Variants in SMAP2 observed in about 807,000 individuals in gnomAD.
SMAP2 encodes stromal membrane-associated protein 2.
In SMAP2, 25 loss-of-function variants were observed where a neutral mutation model predicts 56.4. The observed-to-expected ratio is 0.44, with a 90% CI of 0.32 to 0.62. The LOEUF is 0.62. Ranked by LOEUF, SMAP2 falls within the 20% of genes least tolerant of loss-of-function variation. The pLI, the probability that SMAP2 is intolerant of heterozygous loss-of-function variation, is 0.04. For synonymous variants in SMAP2, 157 were observed against 181.7 expected, an observed-to-expected ratio of 0.86 and a Z score of 1.09; for missense variants, 388 against 545.6, an observed-to-expected ratio of 0.71 and a Z score of 2.88.
Position 40,374,095 on chromosome 1 carries a change from C to T in SMAP2, c.-26C>T. On this transcript the variant is annotated 5_prime_UTR_variant, in exon 1 of 10. Transcript: ENST00000372718. The surrounding 1 kb of genome is among the most constrained non-coding windows in gnomAD (Gnocchi z 5.9). ...TCTGGGGGCGAGGAGGGCGCGTCGC[C>T]CTCTGCCCCCGCCGGCACCCTGGCC... 5 of 1,586,366 alleles carry T rather than the reference C, an allele frequency of 3.2e-6. No individual in the cohort carries two copies. In the South Asian group the frequency reaches 4.5e-5, roughly 14 times the overall value.
intron 1 of SMAP2, among the ~76,000 whole-genome samples, chr1:40,350,847 T>G (rs1009631673): frequency 6.6e-6 from 1 of 152,242 alleles, no homozygotes; most frequent in African/African-American, 2.4e-5. Context: ...ATAAGCATTT[T>G]AAAATTATGT....
intron 6 of SMAP2, 131 bp from the exon 7 acceptor site, chr1:40,415,141 C>A: frequency 1.4e-6 from 1 of 710,872 alleles, no homozygotes. Context: ...CCCGTCCATG[C>A]TAGATGGTTC....
chr1:40,356,710 C>G lies in SMAP2; in HGVS notation c.-82-5590C>G, dbSNP rs193066729. On this transcript the variant is annotated intron_variant, in intron 1 of 6. Transcript: ENST00000435168. ...CAGGCGTGAGCCACCGTGCTGGACC[C>G]CTATTTTTAGTTTTTTGAGGAACCT... Among the ~76,000 whole-genome samples, 284 of 152,048 alleles carry G rather than the reference C, an allele frequency of 1.9e-3. 6 individuals carry two copies. The highest frequency in any genetic ancestry group is 0.014 in the Admixed American group (219 of 15,258).
rs912599824 is a variant in SMAP2, at chr1:40,385,890, A to G, written c.103+11667A>G. 6.6e-6 allele frequency among the ~76,000 whole-genome samples: 1 copy of G among 152,218 alleles called. No homozygotes were observed. The highest frequency in any genetic ancestry group is 2.4e-5 in the African/African-American group (1 of 41,464). On this transcript the variant is annotated intron_variant, in intron 1 of 9. Coordinates refer to ENST00000372718, the MANE Select transcript of SMAP2 (RefSeq NM_022733.3). The surrounding 1 kb of genome is among the most constrained non-coding windows in gnomAD (Gnocchi z 4.5). ...AGTCCCCAAATGTGTGGATTTAGAAATGAGTTCTCTAGTGTTTCTAGTTTT... is the reference window on the plus strand; with the variant it reads ...AGTCCCCAAATGTGTGGATTTAGAAGTGAGTTCTCTAGTGTTTCTAGTTTT...
chr1:40,416,136 A>G (rs1273981404), intron 7 of SMAP2, 40 bp from the exon 8 acceptor site: 2 of 1,591,302 alleles, frequency 1.3e-6, no homozygotes, highest in African/African-American at 1.3e-5. Flanking sequence ...GACCCCCATG[A>G]GAACCATTTC....
intron 1 of SMAP2, among the ~76,000 whole-genome samples, chr1:40,379,523 T>C (rs887802291): frequency 2.0e-5 from 3 of 151,812 alleles, no homozygotes; most frequent in Non-Finnish European, 4.4e-5. Flanking sequence ...AGAAAGCTAT[T>C]CTTAAATGAT....
chr1:40,387,939 A>G (rs1209535175), intron 1 of SMAP2, among the ~76,000 whole-genome samples: 1 of 151,834 alleles, frequency 6.6e-6, no homozygotes, highest in African/African-American at 2.4e-5. Context: ...CGGGCCCCGC[A>G]CTTGGAGCAG....
intron 5 of SMAP2, chr1:40,413,949 T>G: frequency 1.9e-6 from 1 of 522,354 alleles, no homozygotes. Context: ...TCACAGGCGA[T>G]ATCTTTGTTT....
intron 2 of SMAP2, among the ~76,000 whole-genome samples, chr1:40,363,063 T>C (rs1456588220): frequency 1.3e-5 from 2 of 152,102 alleles, no homozygotes; most frequent in African/African-American, 2.4e-5. Flanking sequence ...GGAGCAATTA[T>C]TGACTCCAGG....
intron 1 of SMAP2, among the ~76,000 whole-genome samples, chr1:40,348,222 A>G (rs1197529714): frequency 3.3e-5 from 5 of 152,214 alleles, no homozygotes; most frequent in Non-Finnish European, 7.3e-5. Flanking sequence ...GAATTCTTGA[A>G]AGCAAAATAT....
intron 1 of SMAP2, among the ~76,000 whole-genome samples, chr1:40,383,289 TGA>T (rs2124237575): frequency 6.6e-6 from 1 of 152,088 alleles, no homozygotes; most frequent in Non-Finnish European, 1.5e-5. Context: ...GTAGGCCGAG[TGA>T]GAGAGCGTAT....
intron 1 of SMAP2, among the ~76,000 whole-genome samples, chr1:40,384,522 C>CT (rs1644634557): frequency 6.6e-6 from 1 of 152,158 alleles, no homozygotes; most frequent in Non-Finnish European, 1.5e-5. Flanking sequence ...TCTAGAAGTG[C>CT]TTTTTTTGTC....
intron 1 of SMAP2, among the ~76,000 whole-genome samples, chr1:40,387,466 A>G (rs1404763864): frequency 1.3e-5 from 2 of 152,186 alleles, no homozygotes; most frequent in Non-Finnish European, 2.9e-5. Flanking sequence ...TACCAAGGGG[A>G]TTCTCTGGGT....
chr1:40,349,282 C>T (rs534836531), intron 1 of SMAP2, among the ~76,000 whole-genome samples: 48 of 152,208 alleles, frequency 3.2e-4, no homozygotes, highest in Non-Finnish European at 5.9e-4. Context: ...TCAATAATAA[C>T]GAAGGTACCC....
chr1:40,378,535 C>T (rs1446780901), intron 1 of SMAP2, among the ~76,000 whole-genome samples: 1 of 152,168 alleles, frequency 6.6e-6, no homozygotes. Flanking sequence ...CTAGTTCTAA[C>T]TCCTGGGCTG....
chr1:40,366,157 G>A (rs1221682768), intron 2 of SMAP2, among the ~76,000 whole-genome samples: 2 of 152,028 alleles, frequency 1.3e-5, no homozygotes. Flanking sequence ...AGAGAAAGAA[G>A]AGTAAAAAGA....
intron 1 of SMAP2, among the ~76,000 whole-genome samples, chr1:40,349,055 C>T (rs958705628): frequency 2.0e-5 from 3 of 152,174 alleles, no homozygotes; most frequent in African/African-American, 4.8e-5. Flanking sequence ...CGGGCGTAAG[C>T]CACCATGCCT....
intron 1 of SMAP2, among the ~76,000 whole-genome samples, chr1:40,395,215 G>T (rs1644758352): frequency 6.6e-6 from 1 of 152,132 alleles, no homozygotes; most frequent in Non-Finnish European, 1.5e-5. Context: ...TCCAAACTAG[G>T]ATCTCATTCT....
chr1:40,417,239 T>G (rs1644998232), intron 9 of SMAP2, 143 bp downstream of exon 9: 2 of 690,316 alleles, frequency 2.9e-6, no homozygotes, highest in Admixed American at 6.3e-5. Context: ...TTTTTTTTTT[T>G]TTTTTTTTCC....
Sources: allele counts gnomAD v4.1 joint callset (sites outside exome capture counted in the v4.1 genomes callset), GRCh38; gene constraint gnomAD v4.1.1; non-coding constraint Gnocchi (gnomAD v3.1); transcripts MANE v1.5; gene names NCBI Gene and HGNC (gene_info 2026-07-23, HGNC 2026-07-21).